The following SCNN1A variants were observed in gnomAD, a reference collection of about 807,000 sequenced individuals.
SCNN1A encodes sodium channel epithelial 1 subunit alpha, also known as epithelial sodium channel subunit alpha.
A neutral mutation model predicts 68.6 loss-of-function variants in SCNN1A; 65 were observed. The observed-to-expected ratio is 0.95, with a 90% CI of 0.78 to 1.16. The LOEUF is 1.16. Among genes scored for constraint, SCNN1A ranks in the 50% most tolerant of loss-of-function variants. The pLI is 0.00. For synonymous variants in SCNN1A, 357 were observed against 353.3 expected (o/e 1.01, Z -0.12); for missense variants, 880 against 865.9 (o/e 1.02, Z -0.20).
At chr12:6,365,394 C>T (rs185914662) in intron 2 of SCNN1A, among the ~76,000 whole-genome samples, 42 of 152,268 alleles carry the variant, frequency 2.8e-4, no homozygotes, top group African/African-American at 9.6e-4. Flanking sequence ...TCTAGAATAG[C>T]TAGAAAATTT....
At position 6,374,842 on chromosome 12, in the gene SCNN1A, A is replaced by G. The variant is rs769626485; in HGVS notation, c.-54-5T>C. On this transcript the variant is annotated splice_region_variant and splice_polypyrimidine_tract_variant and intron_variant, in intron 1 of 12. Coordinates refer to ENST00000228916, the MANE Select transcript of SCNN1A (RefSeq NM_001038.6). The surrounding 1 kb of genome is among the most constrained non-coding windows in gnomAD (Gnocchi z 6.2). ...CTGCTCCTCCAGCTTGTTCCCCTTCATGAGCCCCGGAGTGGATTGGGGAGA... is the reference window on the plus strand; with the variant it reads ...CTGCTCCTCCAGCTTGTTCCCCTTCGTGAGCCCCGGAGTGGATTGGGGAGA... 6.2e-6 allele frequency: 10 copies of G among 1,613,968 alleles called. No individual in the cohort carries two copies. The East Asian group carries it at 1.1e-4, about 18-fold the overall frequency.
chr12:6,356,803 C>T (rs988396893), intron 4 of SCNN1A, among the ~76,000 whole-genome samples: 4 of 152,052 alleles, frequency 2.6e-5, no homozygotes, highest in African/African-American at 9.7e-5. Flanking sequence ...CGACGGGAGC[C>T]AGGCAAAGAC....
chr12:6,354,453 T>G lies in SCNN1A; in HGVS notation c.1345A>C (p.Lys449Gln), dbSNP rs774758564. The G allele has an allele frequency of 7.4e-6, 12 of 1,612,026 alleles. No homozygotes were observed. The African/African-American group carries it at 1.5e-4, about 20-fold the overall frequency. ...PQNVEYCDYRKHSSWGYCYYK... is the reference protein window; with the variant it reads ...PQNVEYCDYRQHSSWGYCYYK... ...GGAGTCTCACCCCAGGAACTGTGCTTTCTGTAGTCACAGTACTCCACGTTC... is the reference window on the plus strand; with the variant it reads ...GGAGTCTCACCCCAGGAACTGTGCTGTCTGTAGTCACAGTACTCCACGTTC... The change falls in exon 8 of 13, where the codon AAG becomes CAG. Residue 449 changes from lysine to glutamine, a missense_variant. By Grantham distance (53) the Lys-to-Gln change is moderately conservative. Coordinates refer to ENST00000228916, the MANE Select transcript of SCNN1A (RefSeq NM_001038.6).
intron 2 of SCNN1A, among the ~76,000 whole-genome samples, chr12:6,368,433 A>G (rs1948718117): frequency 6.6e-6 from 1 of 152,244 alleles, no homozygotes; most frequent in Non-Finnish European, 1.5e-5. Context: ...GGTAGGTTAT[A>G]GTGTGTTTAC....
chr12:6,354,002 G>A (rs914351821), intron 8 of SCNN1A: 4 of 181,724 alleles, frequency 2.2e-5, no homozygotes, highest in Admixed American at 1.1e-4. Context: ...AGGCCGAGGC[G>A]GGTGGATCAT....
At chr12:6,364,365 G>A (rs1355911600) in intron 2 of SCNN1A, among the ~76,000 whole-genome samples, 4 of 152,146 alleles carry the variant, frequency 2.6e-5, no homozygotes, top group African/African-American at 4.8e-5. Flanking sequence ...GTCCAGAGTA[G>A]CAGGGCCTGA....
In SCNN1A at chr12:6,374,679, A is replaced by C; in HGVS notation, c.105T>G (p.Pro35=). 6.2e-7 allele frequency: 1 copy of C among 1,613,810 alleles called. No homozygotes were observed. The highest frequency in any genetic ancestry group is 8.5e-7 in the Non-Finnish European group (1 of 1,179,862). ...CCGCCGTGGGCTGCTGGGGCGCCGC[A>C]GGTTCGGGGCCCAGCCCCTGCTCCT... ...KREEQGLGPE[P]AAPQQPTAEE... Residue 35 remains proline (P), a synonymous_variant, in exon 2 of 13, where the codon CCT becomes CCG. Coordinates refer to ENST00000228916, the MANE Select transcript of SCNN1A (RefSeq NM_001038.6). The surrounding 1 kb of genome is among the most constrained non-coding windows in gnomAD (Gnocchi z 6.2).
intron 8 of SCNN1A, among the ~76,000 whole-genome samples, chr12:6,352,337 A>G (rs982208793): frequency 2.0e-5 from 3 of 152,174 alleles, no homozygotes; most frequent in Non-Finnish European, 4.4e-5. Flanking sequence ...TTAGTTCCTC[A>G]GTCTGAAGTC....
upstream of SCNN1A, chr12:6,375,838 A>G (rs952094316): frequency 3.0e-6 from 4 of 1,343,984 alleles, no homozygotes; most frequent in Non-Finnish European, 3.8e-6. Context: ...AGAAGGGGCC[A>G]GCCAGGCTGA....
rs1028385687 is a variant in SCNN1A, at chr12:6,346,910, A to T, written c.*963T>A. 4 of 152,628 alleles carry T rather than the reference A, an allele frequency of 2.6e-5. No homozygotes were observed. Among genetic ancestry groups the T allele is most frequent in the African/African-American group, 9.6e-5 (4 of 41,452 alleles). 9.5% of individuals were successfully genotyped at this position (152,628 alleles called of 1,614,324 possible). On this transcript the variant is annotated 3_prime_UTR_variant, in exon 13 of 13. Transcript: ENST00000228916. ...CTCCAAGCAGGATGATGGGCTAGAC[A>T]TGGAGCATACATAAACGGGCAAGAT... is the stretch of plus-strand genomic sequence containing the variant.
In SCNN1A at chr12:6,372,089, C is replaced by T. The variant is rs1948804192; in HGVS notation, c.416+2279G>A. Among the ~76,000 whole-genome samples, 1 of 152,252 alleles carries T rather than the reference C, an allele frequency of 6.6e-6. No homozygotes were observed. Among genetic ancestry groups the T allele is most frequent in the Admixed American group, 6.5e-5 (1 of 15,290 alleles). On this transcript the variant is annotated intron_variant, in intron 2 of 12. Transcript: ENST00000228916. The surrounding 1 kb of genome is among the most constrained non-coding windows in gnomAD (Gnocchi z 5.8). ...AGCTCCATCCCAGATCCCTCAATGC[C>T]TGCCTTGGCCTCCCAAAGTGCTGGG...
chr12:6,363,078 G>A (rs1361409703), intron 3 of SCNN1A, among the ~76,000 whole-genome samples: 1 of 145,076 alleles, frequency 6.9e-6, no homozygotes, highest in African/African-American at 2.6e-5. Flanking sequence ...CCCACTAGTG[G>A]GCACTGGAAT....
rs1247761191 is a variant in SCNN1A, at chr12:6,363,380, TG to T, written c.684+62del. 2.9e-6 allele frequency: 4 copies of T among 1,391,900 alleles called. No individual in the cohort carries two copies. The Middle Eastern group carries it at 7.8e-4, about 272-fold the overall frequency. 86.2% of individuals were successfully genotyped at this position (1,391,900 alleles called of 1,614,324 possible). On this transcript the variant is annotated intron_variant, in intron 3 of 12. Transcript: ENST00000228916. The stretch of plus-strand genomic sequence containing the variant: ...CGGGTCAGGAAAGGAGCGGAGCCCA[TG>T]GGTGGGCGGGGCCAGGGGCCGGCGA...
rs397850777 is a variant in SCNN1A, at chr12:6,369,833, C to CA, written c.416+4534dup. 6.4e-3 allele frequency among the ~76,000 whole-genome samples: 596 copies of CA among 93,494 alleles called. 8 individuals are homozygous for CA. Among genetic ancestry groups the CA allele is most frequent in the Middle Eastern group, 0.029 (4 of 140 alleles). 61.3% of individuals were successfully genotyped at this position (93,494 alleles called of 152,430 possible). ...TGGGCAACAGTGCAAGACTCTGTCT[C>CA]AAAAAAAAAAAAAAAAAAAAAATCT... On this transcript the variant is annotated intron_variant, in intron 2 of 12. Transcript: ENST00000228916.
chr12:6,363,808 TC>T, intron 2 of SCNN1A, 98 bp from the exon 3 acceptor site: 1 of 1,225,988 alleles, frequency 8.2e-7, no homozygotes, highest in East Asian at 2.7e-5. Flanking sequence ...GGGAGGCCGG[TC>T]CATCCCGGAG....
intron 5 of SCNN1A, 55 bp downstream of exon 5, chr12:6,355,722 T>C (rs980969389): frequency 8.0e-7 from 1 of 1,242,426 alleles, no homozygotes; most frequent in Non-Finnish European, 1.2e-6. Context: ...TCAAGGTAAG[T>C]ACAGGTGAGT....
At position 6,374,652 on chromosome 12, in the gene SCNN1A, C is replaced by T. The variant is rs1948863703; in HGVS notation, c.132G>A (p.Glu44=). 1 of 1,613,520 alleles carries T rather than the reference C, an allele frequency of 6.2e-7. No homozygotes were observed. ...GGTGGAACTCGATCAGGGCCTCCTCCTCCGCCGTGGGCTGCTGGGGCGCCG... is the reference window on the plus strand; with the variant it reads ...GGTGGAACTCGATCAGGGCCTCCTCTTCCGCCGTGGGCTGCTGGGGCGCCG... ...EPAAPQQPTA[E]EEALIEFHRS... Residue 44 remains glutamate (E), a synonymous_variant, in exon 2 of 13, where the codon GAG becomes GAA. Coordinates refer to ENST00000228916, the MANE Select transcript of SCNN1A (RefSeq NM_001038.6). This position sits in a 1 kb window ranked among gnomAD's most constrained non-coding sequence, Gnocchi z 6.2.
chr12:6,355,159 C>T, intron 6 of SCNN1A, 113 bp downstream of exon 6: 1 of 1,229,700 alleles, frequency 8.1e-7, no homozygotes, highest in East Asian at 2.5e-5. Context: ...CTGAAGACCT[C>T]CACATGCTCA....
chr12:6,354,226 A>G (rs539902791), intron 8 of SCNN1A, among the ~76,000 whole-genome samples: 1 of 151,970 alleles, frequency 6.6e-6, no homozygotes, highest in South Asian at 2.1e-4. Flanking sequence ...GCGAGACTCC[A>G]TTTCAAAAAA....
Sources: gnomAD v4.1 joint callset for allele counts (sites outside exome capture counted in the v4.1 genomes callset) on GRCh38, gnomAD v4.1.1 for gene constraint, Gnocchi (gnomAD v3.1) non-coding constraint, MANE v1.5 for transcripts, NCBI Gene and HGNC (gene_info 2026-07-23, HGNC 2026-07-21) for gene names.